Variants in C6orf120 observed in about 807,000 individuals in gnomAD.
C6orf120 encodes chromosome 6 open reading frame 120.
For synonymous variants in C6orf120, 165 were observed against 123.1 expected (o/e 1.34, Z -2.25); for missense variants, 311 against 264.2 (o/e 1.18, Z -1.23).
chr6:169,702,754 T>A (rs764493350), exon 1 of C6orf120: 2 of 1,613,340 alleles, frequency 1.2e-6, no homozygotes, highest in Non-Finnish European at 1.7e-6. Flanking sequence ...ATCGGCCACC[T>A]GCGGCCCGGA....
downstream of C6orf120, chr6:169,704,998 A>C: frequency 3.5e-6 from 2 of 570,350 alleles, no homozygotes; most frequent in Non-Finnish European, 3.0e-6. Context: ...TGACCTGTAT[A>C]ATCACAGCTT....
chr6:169,703,923 T>C, exon 1 of C6orf120: 1 of 1,179,502 alleles, frequency 8.5e-7, no homozygotes, highest in Non-Finnish European at 1.2e-6. Context: ...AAAAATCTTT[T>C]ATTGGCATGA....
At chr6:169,702,353 G>C in exon 1 of C6orf120, 1 of 697,702 alleles carries the variant, frequency 1.4e-6, no homozygotes, top group South Asian at 1.9e-5. Flanking sequence ...GCCTGGACGC[G>C]CCGTGGACCC....
exon 1 of C6orf120, chr6:169,704,414 C>T: frequency 3.6e-6 from 1 of 277,012 alleles, no homozygotes; most frequent in South Asian, 1.3e-4. Context: ...CGGAATTTGG[C>T]TTTTTTAAGA....
At chr6:169,702,552 C>G (rs1484067774) in exon 1 of C6orf120, 1 of 1,612,608 alleles carries the variant, frequency 6.2e-7, no homozygotes, top group Non-Finnish European at 8.5e-7. Flanking sequence ...GCTGCGCGGA[C>G]GAGGAGGAGG....
upstream of C6orf120, chr6:169,702,140 C>CAA: frequency 1.7e-6 from 1 of 594,288 alleles, no homozygotes; most frequent in Admixed American, 2.1e-5. Context: ...CCGCCTCCGG[C>CAA]GAGGCTCCGG....
At chr6:169,702,234 C>G in exon 1 of C6orf120, 1 of 691,788 alleles carries the variant, frequency 1.4e-6, no homozygotes, top group Non-Finnish European at 2.6e-6. Context: ...TGCCCCTGCC[C>G]CTGCCCCTGC....
chr6:169,705,917 T>C (rs1461930538), downstream of C6orf120, among the ~76,000 whole-genome samples: 1 of 152,202 alleles, frequency 6.6e-6, no homozygotes, highest in Non-Finnish European at 1.5e-5. Context: ...AATTTCATCA[T>C]AAAATTTGGT....
At chr6:169,704,161 T>G (rs1269602732) in exon 1 of C6orf120, 1 of 1,117,628 alleles carries the variant, frequency 8.9e-7, no homozygotes, top group African/African-American at 1.6e-5. Flanking sequence ...ATCTAAACTC[T>G]TCTGCCTTAG....
chr6:169,703,305 T>C, exon 1 of C6orf120: 1 of 500,342 alleles, frequency 2.0e-6, no homozygotes, highest in South Asian at 2.7e-5. Flanking sequence ...CTAAAAATGA[T>C]TGCAGTAACA....
chr6:169,705,100 A>G (rs537980031), downstream of C6orf120: 1 of 1,535,834 alleles, frequency 6.5e-7, no homozygotes, highest in South Asian at 1.3e-5. Flanking sequence ...CTCATCACCC[A>G]AAGATAATGT....
exon 1 of C6orf120, chr6:169,702,924 T>C: frequency 1.2e-6 from 2 of 1,612,676 alleles, no homozygotes; most frequent in Middle Eastern, 1.7e-4. Context: ...ACGGCGCAGA[T>C]GCCGGCCAGA....
chr6:169,703,667 TG>T (rs1788604016), exon 1 of C6orf120: 3 of 278,940 alleles, frequency 1.1e-5, no homozygotes, highest in Non-Finnish European at 2.1e-5. Context: ...TAAATAACTT[TG>T]TCAGTGCTAC....
exon 1 of C6orf120, chr6:169,704,853 T>C (rs1788718546): frequency 3.3e-6 from 1 of 304,916 alleles, no homozygotes; most frequent in Non-Finnish European, 6.3e-6. Context: ...AAATAAAGGC[T>C]TTGTTACTTT....
At chr6:169,704,178 C>T (rs117299617) in exon 1 of C6orf120, 1 of 880,480 alleles carries the variant, frequency 1.1e-6, no homozygotes, top group Non-Finnish European at 1.7e-6. Flanking sequence ...TTAGCTATCA[C>T]TAATGATATT....
At chr6:169,704,148 C>G (rs1788686752) in exon 1 of C6orf120, 1 of 1,257,264 alleles carries the variant, frequency 8.0e-7, no homozygotes, top group Admixed American at 2.8e-5. Flanking sequence ...GAATTTTAAG[C>G]CCATCTAAAC....
At chr6:169,702,430 C>G in exon 1 of C6orf120, 1 of 1,396,550 alleles carries the variant, frequency 7.2e-7, no homozygotes. Context: ...CACTGACCCA[C>G]TTGCAGGCCC....
chr6:169,705,582 G>C, downstream of C6orf120: 1 of 1,080,210 alleles, frequency 9.3e-7, no homozygotes, highest in African/African-American at 1.5e-5. Flanking sequence ...TAAATACGGT[G>C]GTTAAAATTT....
exon 1 of C6orf120, chr6:169,702,424 G>A: frequency 7.5e-7 from 1 of 1,331,280 alleles, no homozygotes; most frequent in South Asian, 1.3e-5. Context: ...CAGCAGCACT[G>A]ACCCACTTGC....
Sources: allele counts gnomAD v4.1 joint callset (sites outside exome capture counted in the v4.1 genomes callset), GRCh38; gene constraint gnomAD v4.1.1; transcripts MANE v1.5; gene names NCBI Gene and HGNC (gene_info 2026-07-23, HGNC 2026-07-21).